The following UNC13C variants were observed in gnomAD, a reference collection of about 807,000 sequenced individuals.
The protein encoded by UNC13C is unc-13 homolog C, also known as protein unc-13 homolog C.
UNC13C carries 174 observed loss-of-function variants against 245.4 expected under a neutral mutation model. The ratio of observed to expected loss-of-function variants is 0.71; its 90% CI spans 0.63 to 0.80. The LOEUF (loss-of-function observed/expected upper bound fraction) is 0.80. UNC13C is among the 30% of genes least tolerant of loss of function. The probability of loss-of-function intolerance (pLI) is 0.00; values close to 1 mark genes in which losing one functional copy is unlikely to be tolerated. For synonymous variants in UNC13C, 992 were observed against 895.1 expected, an observed-to-expected ratio of 1.11 and a Z score of -1.93; for missense variants, 2,829 against 2,602.9, an observed-to-expected ratio of 1.09 and a Z score of -1.89.
intron 4 of UNC13C, among the ~76,000 whole-genome samples, chr15:54,191,068 T>G (rs187115438): frequency 6.6e-6 from 1 of 152,188 alleles, no homozygotes; most frequent in Admixed American, 6.6e-5. Flanking sequence ...TTTTAAATTA[T>G]GCTTTAAGTT....
chr15:54,484,650 G>A (rs1397890175), intron 19 of UNC13C, among the ~76,000 whole-genome samples: 1 of 151,944 alleles, frequency 6.6e-6, no homozygotes, highest in Admixed American at 6.6e-5. Context: ...CCTATCACTT[G>A]GGCCCATCTC....
chr15:54,382,702 T>C (rs2039753740), intron 17 of UNC13C, among the ~76,000 whole-genome samples: 1 of 146,594 alleles, frequency 6.8e-6, no homozygotes, highest in African/African-American at 2.5e-5. Context: ...AGGAAGGAAA[T>C]GATAAAGGTG....
rs1171265881 is a variant in UNC13C, at chr15:54,014,747, G to C, written c.1844G>C (p.Gly615Ala). The C allele has an allele frequency of 6.2e-7, 1 of 1,613,726 alleles. No individual in the cohort carries two copies. The highest frequency in any genetic ancestry group is 8.5e-7 in the Non-Finnish European group (1 of 1,179,828). The change falls in exon 2 of 33, where the codon GGG becomes GCG. Residue 615 changes from glycine to alanine, a missense_variant. By Grantham distance (60) the Gly-to-Ala change is moderately conservative (BLOSUM62 0). Transcript: ENST00000260323. ...HLNGGVQGIQGQTETENTETV... is the reference protein window; with the variant it reads ...HLNGGVQGIQAQTETENTETV... ...AATGGAGGTGTTCAGGGTATCCAAG[G>C]GCAGACTGAAACTGAAAACACAGAA...
At position 54,036,475 on chromosome 15, in the gene UNC13C, G is replaced by A. The variant is rs142311743; in HGVS notation, c.2983+20589G>A. ...TTAGGGACTGCATCTCTCACTTAACGCGCTCAAAAGTCGTTCTGTCTCAGT... is the reference window on the plus strand; with the variant it reads ...TTAGGGACTGCATCTCTCACTTAACACGCTCAAAAGTCGTTCTGTCTCAGT... On this transcript the variant is annotated intron_variant, in intron 2 of 32. Transcript: ENST00000260323. Among the ~76,000 whole-genome samples, 197 of 152,218 alleles carry A rather than the reference G, an allele frequency of 1.3e-3. 1 individual carries two copies. The highest frequency in any genetic ancestry group is 4.4e-3 in the African/African-American group (183 of 41,540).
At chr15:54,623,740 C>G in intron 31 of UNC13C, 55 bp from the exon 32 acceptor site, 1 of 1,516,920 alleles carries the variant, frequency 6.6e-7, no homozygotes, top group Admixed American at 2.0e-5. Context: ...TTTAAAATTT[C>G]ACTCTAAATT....
rs76463831 is a variant in UNC13C at position 54,064,360 on chromosome 15, C to T, written c.2983+48474C>T. ...AAGATTACAAAAATAATTGCAACCT[C>T]GAAGTTTGAGAACCTGTCTCTAGCT... On this transcript the variant is annotated intron_variant, in intron 2 of 32. Coordinates refer to ENST00000260323, the MANE Select transcript of UNC13C (RefSeq NM_001080534.3). Among the ~76,000 whole-genome samples the T allele has an allele frequency of 6.8e-4, 104 of 152,216 alleles. 4 individuals carry two copies. The South Asian group carries it at 8.1e-3, about 12-fold the overall frequency.
rs189818039 is a variant in UNC13C at position 53,991,443 on chromosome 15, C to T, written c.-257+12516C>T. Among the ~76,000 whole-genome samples the T allele has an allele frequency of 8.5e-5, 13 of 152,054 alleles. No homozygotes were observed. The South Asian group carries it at 1.9e-3, about 22-fold the overall frequency. ...AAAGTCCAATGTGATCAATCTTTAC[C>T]AAGTGGCTGGTCCATCTTCTTGAAA... On this transcript the variant is annotated intron_variant, in intron 1 of 32. Coordinates refer to ENST00000260323, the MANE Select transcript of UNC13C (RefSeq NM_001080534.3).
intron 1 of UNC13C, among the ~76,000 whole-genome samples, chr15:54,004,539 C>T (rs1399881043): frequency 6.6e-6 from 1 of 152,168 alleles, no homozygotes; most frequent in Non-Finnish European, 1.5e-5. Context: ...AGCAGGATTG[C>T]AGGATCATAT....
chr15:54,089,126 G>C (rs748680931), intron 2 of UNC13C, among the ~76,000 whole-genome samples: 1 of 152,102 alleles, frequency 6.6e-6, no homozygotes, highest in Non-Finnish European at 1.5e-5. Context: ...CTCCTGCTTT[G>C]ATAGTCCAAA....
In UNC13C at chr15:54,264,265, G is replaced by T. The variant is rs756622386; in HGVS notation, c.3546G>T (p.Arg1182=). ...GAATGAAGATCAGGGAGAAAAACCG[G>T]CCAGAAGTATTTGAAGTAATCCAGG... ...KERMKIREKN[R]PEVFEVIQEM... Residue 1182 remains arginine, a synonymous_variant, in exon 9 of 33, where the codon CGG becomes CGT. Coordinates refer to ENST00000260323, the MANE Select transcript of UNC13C (RefSeq NM_001080534.3). 1.9e-6 allele frequency: 3 copies of T among 1,598,914 alleles called. No individual in the cohort carries two copies. Among genetic ancestry groups the T allele is most frequent in the South Asian group, 1.1e-5 (1 of 88,012 alleles).
Position 54,182,218 on chromosome 15 carries a change from A to C in UNC13C, c.3071+38534A>C, listed in dbSNP as rs972862930. 4.6e-5 allele frequency among the ~76,000 whole-genome samples: 7 copies of C among 152,000 alleles called. No individual in the cohort carries two copies. The East Asian group carries it at 7.7e-4, about 17-fold the overall frequency. On this transcript the variant is annotated intron_variant, in intron 4 of 32. Transcript: ENST00000260323. ...TTTGTGGCATGTTCCTTCGATGCCT[A>C]GTTTCTTAAGTTTTTTATACTGAAG...
intron 23 of UNC13C, among the ~76,000 whole-genome samples, chr15:54,508,183 G>A (rs1272384006): frequency 1.3e-5 from 2 of 151,712 alleles, no homozygotes; most frequent in Non-Finnish European, 2.9e-5. Context: ...TTTATTTATT[G>A]AAAGTATATT....
chr15:54,132,971 G>C (rs2031520161), intron 2 of UNC13C, among the ~76,000 whole-genome samples: 1 of 152,088 alleles, frequency 6.6e-6, no homozygotes. Context: ...AAAACATTGA[G>C]GGAGAAAATA....
chr15:54,022,941 C>G (rs1317848552), intron 2 of UNC13C, among the ~76,000 whole-genome samples: 1 of 151,968 alleles, frequency 6.6e-6, no homozygotes, highest in African/African-American at 2.4e-5. Context: ...AGACTAGAAC[C>G]CAACGAATAC....
chr15:54,009,550 C>CT lies in UNC13C; in HGVS notation c.-256-3086dup, dbSNP rs958989518. Among the ~76,000 whole-genome samples the CT allele has an allele frequency of 1.3e-3, 188 of 144,222 alleles. 1 individual carries two copies. The highest frequency in any genetic ancestry group is 4.3e-3 in the African/African-American group (168 of 39,058). 94.6% of individuals were successfully genotyped at this position (144,222 alleles called of 152,430 possible). A position where few individuals can be genotyped will look rare whatever the true frequency, so the allele number is the denominator to read the frequency against. On this transcript the variant is annotated intron_variant, in intron 1 of 32. Coordinates refer to ENST00000260323, the MANE Select transcript of UNC13C (RefSeq NM_001080534.3). ...AAGTAATTTTCTTCTTCTTCTTCTT[C>CT]TTTTTTTTTTTTGTTGAGATGAAAT...
At chr15:54,457,192 A>G (rs1358217661) in intron 19 of UNC13C, among the ~76,000 whole-genome samples, 1 of 152,076 alleles carries the variant, frequency 6.6e-6, no homozygotes, top group Non-Finnish European at 1.5e-5. Flanking sequence ...ACTGACTTGC[A>G]TATGTTAAAC....
intron 26 of UNC13C, among the ~76,000 whole-genome samples, chr15:54,534,696 C>T (rs551498985): frequency 2.0e-4 from 30 of 152,238 alleles, no homozygotes; most frequent in African/African-American, 7.2e-4. Flanking sequence ...TCTAATGATA[C>T]AAGGGCTAAA....
At chr15:54,311,177 T>G (rs926223859) in intron 13 of UNC13C, among the ~76,000 whole-genome samples, 3 of 151,786 alleles carry the variant, frequency 2.0e-5, no homozygotes, top group African/African-American at 7.2e-5. Context: ...TTTTGCAAAA[T>G]CAGTATCAAA....
chr15:54,146,347 C>G (rs1399945887), intron 4 of UNC13C, among the ~76,000 whole-genome samples: 3 of 152,164 alleles, frequency 2.0e-5, no homozygotes, highest in African/African-American at 7.2e-5. Context: ...CGACATTCAT[C>G]CTTCCCTTAG....
Sources: allele counts gnomAD v4.1 joint callset (sites outside exome capture counted in the v4.1 genomes callset), GRCh38; gene constraint gnomAD v4.1.1; transcripts MANE v1.5; gene names NCBI Gene and HGNC (gene_info 2026-07-23, HGNC 2026-07-21).